LAMA2: variants seen among roughly 807,000 people sequenced by gnomAD.
LAMA2 encodes laminin subunit alpha-2.
A neutral mutation model predicts 364.8 loss-of-function variants in LAMA2; 269 were observed. The observed-to-expected ratio is 0.74, with a 90% confidence interval of 0.67 to 0.82. The LOEUF is 0.82. Among genes scored for constraint, LAMA2 ranks in the 40% least tolerant of loss-of-function variants. The probability of loss-of-function intolerance (pLI) is 0.00; values close to 1 mark genes in which losing one functional copy is unlikely to be tolerated. For synonymous variants in LAMA2, 1,379 were observed against 1,370.6 expected (o/e 1.01, Z -0.14); for missense variants, 3,807 against 3,873.2 (o/e 0.98, Z 0.45).
At chr6:129,449,635 A>G (rs745625142) in intron 45 of LAMA2, among the ~76,000 whole-genome samples, 1 of 152,168 alleles carries the variant, frequency 6.6e-6, no homozygotes, top group Non-Finnish European at 1.5e-5. Context: ...GGGTATAACA[A>G]CATCATTTTG....
chr6:129,299,850 A>G (rs1463694228), intron 21 of LAMA2, among the ~76,000 whole-genome samples: 1 of 152,220 alleles, frequency 6.6e-6, no homozygotes, highest in Non-Finnish European at 1.5e-5. Flanking sequence ...TTCAGTGAAA[A>G]TGATTTAGTC....
chr6:129,157,994 G>T (rs1779223883), intron 8 of LAMA2: 2 of 1,613,778 alleles, frequency 1.2e-6, no homozygotes, highest in African/African-American at 1.3e-5. Context: ...CAGCAATGCA[G>T]CAACTCCCAT....
chr6:129,086,230 A>G (rs1774379770), intron 3 of LAMA2, among the ~76,000 whole-genome samples: 1 of 152,214 alleles, frequency 6.6e-6, no homozygotes, highest in Non-Finnish European at 1.5e-5. Context: ...CTATTTATTA[A>G]TGTTGTGTTG....
intron 3 of LAMA2, among the ~76,000 whole-genome samples, chr6:129,092,235 T>TTTTC (rs1031932104): frequency 5.9e-5 from 9 of 152,218 alleles, no homozygotes; most frequent in Non-Finnish European, 1.2e-4. Flanking sequence ...TTGGTTTCTA[T>TTTTC]TTTCTTTCTT....
intron 30 of LAMA2, among the ~76,000 whole-genome samples, chr6:129,344,230 G>A (rs577359930): frequency 6.6e-6 from 1 of 152,276 alleles, no homozygotes; most frequent in Admixed American, 6.5e-5. Context: ...TAAAAGGCTA[G>A]TATACTAGCA....
At chr6:129,006,540 C>T (rs1360027450) in intron 1 of LAMA2, among the ~76,000 whole-genome samples, 4 of 152,100 alleles carry the variant, frequency 2.6e-5, no homozygotes, top group East Asian at 1.9e-4. Context: ...GTGGATCATC[C>T]ACTCAGCCAC....
chr6:129,180,811 A>G (rs1780880793), intron 10 of LAMA2, among the ~76,000 whole-genome samples: 1 of 152,164 alleles, frequency 6.6e-6, no homozygotes, highest in South Asian at 2.1e-4. Flanking sequence ...CAAAAGCTCA[A>G]GCTAAACTGA....
chr6:129,465,451 G>A (rs901079768), intron 51 of LAMA2, among the ~76,000 whole-genome samples, 162 bp downstream of exon 51: 1 of 151,812 alleles, frequency 6.6e-6, no homozygotes, highest in Non-Finnish European at 1.5e-5. Context: ...AGGTGATTTG[G>A]GTTAGACATG....
Position 129,460,299 on chromosome 6 carries a change from G to C in LAMA2, c.6967G>C (p.Gly2323Arg). 3 of 1,612,306 alleles carry C rather than the reference G, an allele frequency of 1.9e-6. No homozygotes were observed. Among genetic ancestry groups the C allele is most frequent in the Non-Finnish European group, 2.5e-6 (3 of 1,178,766 alleles). ...IGLWNFREKE[G>R]DCKGCTVSPQ... The stretch of plus-strand genomic sequence containing the variant: ...TTTGTGGAATTTCCGAGAAAAAGAA[G>C]GTGACTGCAAAGGATGCACTGTCAG... The change falls in exon 49 of 65, where the codon GGT (glycine) becomes CGT (arginine). Residue 2323 changes from glycine to arginine, a missense_variant. Physicochemically the swap from Gly to Arg is moderately radical, Grantham distance 125. Coordinates refer to ENST00000421865, the MANE Select transcript of LAMA2 (RefSeq NM_000426.4).
intron 56 of LAMA2, among the ~76,000 whole-genome samples, chr6:129,486,939 A>G (rs755302646): frequency 6.6e-6 from 1 of 152,216 alleles, no homozygotes; most frequent in Non-Finnish European, 1.5e-5. Context: ...CTCCTCAAAT[A>G]AGGTATGCAC....
At chr6:129,467,291 G>A (rs767291167) in intron 51 of LAMA2, among the ~76,000 whole-genome samples, 13 of 151,784 alleles carry the variant, frequency 8.6e-5, no homozygotes, top group Non-Finnish European at 1.5e-4. Context: ...CTTACAAGGC[G>A]AGAAGCTAAA....
At chr6:129,185,321 A>G (rs932202526) in intron 10 of LAMA2, among the ~76,000 whole-genome samples, 8 of 151,870 alleles carry the variant, frequency 5.3e-5, no homozygotes, top group Non-Finnish European at 1.0e-4. Flanking sequence ...ACTATAGCAA[A>G]AAGAAAATTG....
At chr6:129,142,910 G>C (rs1426247084) in intron 4 of LAMA2, among the ~76,000 whole-genome samples, 1 of 151,830 alleles carries the variant, frequency 6.6e-6, no homozygotes, top group Non-Finnish European at 1.5e-5. Flanking sequence ...TCTTTTCTTT[G>C]AATAGGGCCC....
intron 44 of LAMA2, among the ~76,000 whole-genome samples, chr6:129,445,335 T>G (rs1782311554): frequency 6.6e-6 from 1 of 152,206 alleles, no homozygotes; most frequent in Admixed American, 6.5e-5. Flanking sequence ...CTTCTGTGAC[T>G]AAAGTTCTAT....
chr6:128,889,310 A>G (rs983960611), intron 1 of LAMA2, among the ~76,000 whole-genome samples: 14 of 152,192 alleles, frequency 9.2e-5, no homozygotes, highest in Non-Finnish European at 1.8e-4. Context: ...TGAAAATGAC[A>G]TAGTGATGTA....
intron 20 of LAMA2, among the ~76,000 whole-genome samples, chr6:129,293,408 T>A (rs1246184858): frequency 6.6e-6 from 1 of 152,174 alleles, no homozygotes; most frequent in Non-Finnish European, 1.5e-5. Context: ...CTAACTTTAA[T>A]AAATGAACAA....
intron 58 of LAMA2, 53 bp downstream of exon 58, chr6:129,492,536 G>A: frequency 6.7e-7 from 1 of 1,489,850 alleles, no homozygotes; most frequent in Non-Finnish European, 9.4e-7. Context: ...AGTATTCTGA[G>A]TCATTTCAGA....
intron 1 of LAMA2, among the ~76,000 whole-genome samples, chr6:128,968,603 T>G (rs1781999380): frequency 6.6e-6 from 1 of 152,152 alleles, no homozygotes; most frequent in Non-Finnish European, 1.5e-5. Flanking sequence ...AGCAAGGGAC[T>G]TTTCAGCTCT....
rs567645793 is a variant in LAMA2, at chr6:129,098,864, C to T, written c.639+449C>T. On this transcript the variant is annotated intron_variant, in intron 4 of 64. Coordinates refer to ENST00000421865, the MANE Select transcript of LAMA2 (RefSeq NM_000426.4). The stretch of plus-strand genomic sequence containing the variant: ...ATTCTTTCAATCTTTTGATGTTTTT[C>T]TGCTGTCACCACATAGGGCTACAGT... Among the ~76,000 whole-genome samples, 16 of 152,260 alleles carry T rather than the reference C, an allele frequency of 1.1e-4. No homozygotes were observed. In the East Asian group the frequency reaches 3.1e-3, roughly 29 times the overall value.
Sources: gnomAD v4.1 joint callset for allele counts (sites outside exome capture counted in the v4.1 genomes callset) on GRCh38, gnomAD v4.1.1 for gene constraint, MANE v1.5 for transcripts, NCBI Gene and HGNC (gene_info 2026-07-23, HGNC 2026-07-21) for gene names.